Variants in TRPM3 observed in about 807,000 individuals in gnomAD.
TRPM3 encodes transient receptor potential cation channel subfamily M member 3, also known as long transient receptor potential channel 3.
In TRPM3, 77 loss-of-function variants were observed where a neutral mutation model predicts 181.2. That is an observed-to-expected ratio of 0.42 (90% CI 0.35 to 0.51). The LOEUF is 0.51. Among genes scored for constraint, TRPM3 ranks in the 20% least tolerant of loss-of-function variants. The probability of loss-of-function intolerance (pLI) is 0.01; values close to 1 mark genes in which losing one functional copy is unlikely to be tolerated. For missense variants in TRPM3, 1,759 were observed against 2,196.7 expected (o/e 0.80, Z 3.98); for synonymous variants, 745 against 796.4 (o/e 0.94, Z 1.09).
chr9:71,422,264 AAAG>A (rs1353873220), intron 1 of TRPM3, among the ~76,000 whole-genome samples: 3 of 152,192 alleles, frequency 2.0e-5, no homozygotes, highest in East Asian at 1.9e-4. Flanking sequence ...CATCATACTG[AAAG>A]AAGAATATGA....
chr9:71,011,249 CA>C (rs2097735700), intron 1 of TRPM3, among the ~76,000 whole-genome samples: 1 of 151,852 alleles, frequency 6.6e-6, no homozygotes, highest in African/African-American at 2.4e-5. Flanking sequence ...GTAACTATAG[CA>C]AATAACAATG....
At chr9:71,307,795 T>C (rs1303221135) in intron 1 of TRPM3, among the ~76,000 whole-genome samples, 3 of 152,182 alleles carry the variant, frequency 2.0e-5, no homozygotes, top group Non-Finnish European at 4.4e-5. Flanking sequence ...TCAATCTCTT[T>C]GCAGATTACT....
chr9:71,189,273 C>A (rs917159829), intron 1 of TRPM3, among the ~76,000 whole-genome samples: 6 of 152,006 alleles, frequency 3.9e-5, no homozygotes, highest in African/African-American at 1.4e-4. Flanking sequence ...AGGAGTAGAG[C>A]TTTCCCTTGC....
chr9:71,037,714 A>C (rs1449670410), intron 1 of TRPM3, among the ~76,000 whole-genome samples: 1 of 152,364 alleles, frequency 6.6e-6, no homozygotes, highest in East Asian at 1.9e-4. Context: ...ACATGCACAG[A>C]AACCACTCAA....
chr9:70,603,581 T>G, intron 19 of TRPM3, 111 bp from the exon 20 acceptor site: 1 of 1,217,076 alleles, frequency 8.2e-7, no homozygotes, highest in Middle Eastern at 2.2e-4. Context: ...GGACACAGAC[T>G]TTATGACAAA....
chr9:70,629,215 C>CGGGTG (rs2065250202), intron 12 of TRPM3, among the ~76,000 whole-genome samples: 1 of 10,174 alleles, frequency 9.8e-5, no homozygotes, highest in African/African-American at 2.0e-4. Context: ...TGACCAGTGC[C>CGGGTG]GGGGGGGGGG....
At chr9:70,619,356 T>C (rs1454717939) in intron 16 of TRPM3, among the ~76,000 whole-genome samples, 5 of 150,762 alleles carry the variant, frequency 3.3e-5, no homozygotes, top group African/African-American at 1.2e-4. Context: ...CATATGAGTG[T>C]AGGAGGTGGA....
At chr9:70,768,041 T>C (rs908467068) in intron 7 of TRPM3, among the ~76,000 whole-genome samples, 3 of 152,306 alleles carry the variant, frequency 2.0e-5, no homozygotes, top group East Asian at 1.9e-4. Flanking sequence ...AATATATTAA[T>C]GGTGATCATC....
chr9:71,203,890 T>C (rs1415294552), intron 1 of TRPM3, among the ~76,000 whole-genome samples: 1 of 152,146 alleles, frequency 6.6e-6, no homozygotes, highest in African/African-American at 2.4e-5. Context: ...CCACATATAG[T>C]AGTACGATTG....
intron 1 of TRPM3, among the ~76,000 whole-genome samples, chr9:71,348,457 A>T (rs1229494169): frequency 1.3e-4 from 19 of 147,700 alleles, no homozygotes; most frequent in East Asian, 2.0e-4. Context: ...GACTTTTCCC[A>T]TTTTTTTTTT....
intron 1 of TRPM3, among the ~76,000 whole-genome samples, chr9:71,152,440 T>C (rs1263883896): frequency 6.6e-6 from 1 of 152,190 alleles, no homozygotes; most frequent in African/African-American, 2.4e-5. Context: ...AATCTTTAAA[T>C]TGGACTACAA....
chr9:71,060,224 T>C (rs769420929), intron 1 of TRPM3, among the ~76,000 whole-genome samples: 13 of 152,054 alleles, frequency 8.5e-5, no homozygotes, highest in Non-Finnish European at 1.5e-4. Context: ...CTACCATAAC[T>C]GTGTTCTGTG....
intron 5 of TRPM3, among the ~76,000 whole-genome samples, chr9:70,829,322 G>A (rs7875338): frequency 0.16 from 24,603 of 151,952 alleles, 2,112 homozygotes; most frequent in Middle Eastern, 0.22. Context: ...TTTAGACCTT[G>A]ATTCTGATTC....
chr9:71,172,459 G>A (rs1283524467), intron 1 of TRPM3, among the ~76,000 whole-genome samples: 1 of 151,884 alleles, frequency 6.6e-6, no homozygotes, highest in Non-Finnish European at 1.5e-5. Context: ...AAGCTGGAGT[G>A]CAGTGCTGTG....
chr9:71,270,004 T>C (rs892012446), intron 1 of TRPM3, among the ~76,000 whole-genome samples: 2 of 152,236 alleles, frequency 1.3e-5, no homozygotes, highest in African/African-American at 2.4e-5. Flanking sequence ...TCTTTCTGTT[T>C]AGTATTGCAA....
At chr9:71,142,204 A>G (rs770210263) in intron 1 of TRPM3, among the ~76,000 whole-genome samples, 30 of 152,132 alleles carry the variant, frequency 2.0e-4, no homozygotes, top group Admixed American at 2.0e-4. Context: ...CTGGTTTCCT[A>G]TTTCTCAAGA....
chr9:70,964,512 C>T (rs2097167410), intron 1 of TRPM3, among the ~76,000 whole-genome samples: 1 of 152,036 alleles, frequency 6.6e-6, no homozygotes, highest in African/African-American at 2.4e-5. Flanking sequence ...GGACAGCAAG[C>T]ATTCACTGAG....
chr9:71,314,991 C>T (rs1331203685), intron 1 of TRPM3, among the ~76,000 whole-genome samples: 1 of 152,116 alleles, frequency 6.6e-6, no homozygotes, highest in Admixed American at 6.6e-5. Flanking sequence ...AATGTTTGAT[C>T]TTGTACAAGG....
chr9:71,209,952 TACAG>T (rs750303415), intron 1 of TRPM3, among the ~76,000 whole-genome samples: 42 of 152,320 alleles, frequency 2.8e-4, no homozygotes, highest in Non-Finnish European at 4.1e-4. Flanking sequence ...GCTTGTCCTC[TACAG>T]ACAAAGTTTG....
Sources: gnomAD v4.1 joint callset for allele counts (sites outside exome capture counted in the v4.1 genomes callset) on GRCh38, gnomAD v4.1.1 for gene constraint, MANE v1.5 for transcripts, NCBI Gene and HGNC (gene_info 2026-07-23, HGNC 2026-07-21) for gene names.